CTCF: variants seen among roughly 807,000 people sequenced by gnomAD.
CTCF encodes transcriptional repressor CTCF.
Under a neutral mutation model 72.3 loss-of-function variants are expected in CTCF, and 7 were observed. That is an observed-to-expected ratio of 0.10 (90% CI 0.06 to 0.18). The LOEUF is 0.18. Ranked by LOEUF, CTCF falls within the 10% of genes least tolerant of loss-of-function variation. The probability of loss-of-function intolerance (pLI) is 1.00; values close to 1 mark genes in which losing one functional copy is unlikely to be tolerated. For missense variants in CTCF, 516 were observed against 949.1 expected, an observed-to-expected ratio of 0.54 and a Z score of 6.00; for synonymous variants, 374 against 315.8, an observed-to-expected ratio of 1.18 and a Z score of -1.95.
At chr16:67,581,130 G>A (rs908471375) in intron 2 of CTCF, among the ~76,000 whole-genome samples, 2 of 150,848 alleles carry the variant, frequency 1.3e-5, no homozygotes, top group African/African-American at 2.4e-5. Context: ...GGGTTTCACC[G>A]TGTTAGCCAG....
chr16:67,580,822 G>T (rs1475751509), intron 2 of CTCF, among the ~76,000 whole-genome samples: 2 of 148,168 alleles, frequency 1.3e-5, no homozygotes, highest in Non-Finnish European at 3.0e-5. Context: ...CACCATGTTG[G>T]CCAGGCTGGT....
intron 2 of CTCF, among the ~76,000 whole-genome samples, chr16:67,581,097 T>G (rs1452635628): frequency 6.6e-6 from 1 of 151,186 alleles, no homozygotes; most frequent in Non-Finnish European, 1.5e-5. Context: ...CCCAGCTAAT[T>G]TTTTGTGTTT....
chr16:67,628,325 G>A, intron 8 of CTCF, 45 bp from the exon 9 acceptor site: 4 of 1,579,358 alleles, frequency 2.5e-6, no homozygotes, highest in African/African-American at 1.3e-5. Context: ...TGGGGCAGTA[G>A]CCCCATGAGC....
intron 4 of CTCF, among the ~76,000 whole-genome samples, chr16:67,613,733 G>A (rs1597715662): frequency 6.6e-6 from 1 of 152,144 alleles, no homozygotes; most frequent in East Asian, 1.9e-4. Context: ...CCAAGATTGT[G>A]CCACCGTACT....
At chr16:67,573,258 A>C (rs1180324471) in intron 2 of CTCF, among the ~76,000 whole-genome samples, 1 of 150,486 alleles carries the variant, frequency 6.6e-6, no homozygotes. Flanking sequence ...AAAAAACAAC[A>C]AAAAAAACCC....
chr16:67,607,498 G>A (rs1301444705), intron 2 of CTCF, among the ~76,000 whole-genome samples: 1 of 151,568 alleles, frequency 6.6e-6, no homozygotes, highest in South Asian at 2.1e-4. Context: ...TAGAGATGGG[G>A]TTTTGCCATG....
chr16:67,563,433 C>T (rs2051304590), intron 1 of CTCF: 1 of 152,192 alleles, frequency 6.6e-6, no homozygotes, highest in African/African-American at 2.4e-5. Context: ...GACCCCAGAG[C>T]TGCCGAGAGC....
At chr16:67,590,815 G>T (rs560505808) in intron 2 of CTCF, among the ~76,000 whole-genome samples, 2 of 151,968 alleles carry the variant, frequency 1.3e-5, no homozygotes, top group Admixed American at 1.3e-4. Context: ...ATATTAGCCG[G>T]ACATGATGTT....
At chr16:67,615,232 C>T (rs2052116330) in intron 4 of CTCF, 1 of 152,330 alleles carries the variant, frequency 6.6e-6, no homozygotes, top group African/African-American at 2.4e-5. Context: ...GCAGTGTCCA[C>T]TTCTTTGCTA....
At chr16:67,598,669 A>G (rs1182032738) in intron 2 of CTCF, among the ~76,000 whole-genome samples, 5 of 152,356 alleles carry the variant, frequency 3.3e-5, no homozygotes, top group Admixed American at 1.3e-4. Context: ...TTTCTCCCAC[A>G]TATCTTTTAG....
intron 1 of CTCF, among the ~76,000 whole-genome samples, chr16:67,566,634 G>A (rs1377963552): frequency 1.3e-5 from 2 of 149,158 alleles, no homozygotes; most frequent in African/African-American, 4.9e-5. Flanking sequence ...TGGAGTGCAG[G>A]GGCACGATCT....
At chr16:67,590,977 A>G (rs958013484) in intron 2 of CTCF, among the ~76,000 whole-genome samples, 1 of 145,422 alleles carries the variant, frequency 6.9e-6, no homozygotes, top group African/African-American at 2.5e-5. Flanking sequence ...AAAAAAAAAA[A>G]AAAAAATGCT....
At chr16:67,577,683 G>C (rs1222441630) in intron 2 of CTCF, among the ~76,000 whole-genome samples, 1 of 151,784 alleles carries the variant, frequency 6.6e-6, no homozygotes, top group African/African-American at 2.4e-5. Context: ...TCCTGACCTT[G>C]TGATCCGTCC....
In CTCF at chr16:67,611,256, G is replaced by T. The variant is rs1175444753; in HGVS notation, c.424G>T (p.Val142Leu). Reference sequence around the variant, plus strand: ...ACTTCAGGGGGCTTATGAAAATGAAGTGTCTAAAGAGGGCCTTGCGGAAAG... The same window carrying T: ...ACTTCAGGGGGCTTATGAAAATGAATTGTCTAAAGAGGGCCTTGCGGAAAG... ...EELQGAYENEVSKEGLAESEP... is the reference protein window; with the variant it reads ...EELQGAYENELSKEGLAESEP... The change falls in exon 3 of 12, where the codon GTG becomes TTG. Residue 142 changes from valine (V) to leucine (L), a missense_variant. Transcript: ENST00000264010. 2.5e-6 allele frequency: 4 copies of T among 1,614,180 alleles called. No individual in the cohort carries two copies. Among genetic ancestry groups the T allele is most frequent in the Non-Finnish European group, 3.4e-6 (4 of 1,180,036 alleles).
At chr16:67,618,140 C>T (rs1460367468) in intron 5 of CTCF, among the ~76,000 whole-genome samples, 1 of 152,136 alleles carries the variant, frequency 6.6e-6, no homozygotes, top group Non-Finnish European at 1.5e-5. Context: ...CATGGTGGCT[C>T]ACGCCTGTAA....
At chr16:67,620,658 G>A in intron 5 of CTCF, 39 bp from the exon 6 acceptor site, 1 of 1,506,500 alleles carries the variant, frequency 6.6e-7, no homozygotes, top group Non-Finnish European at 9.0e-7. Context: ...TACAGTCTGT[G>A]TTAACAGAAG....
chr16:67,565,065 G>A (rs373618628), intron 1 of CTCF, among the ~76,000 whole-genome samples: 205 of 151,556 alleles, frequency 1.4e-3, no homozygotes, highest in Admixed American at 3.1e-3. Context: ...GCAGTGGTGC[G>A]ATCTCGGCTC....
intron 2 of CTCF, among the ~76,000 whole-genome samples, chr16:67,583,524 T>C (rs905462061): frequency 1.3e-5 from 2 of 151,940 alleles, no homozygotes; most frequent in Admixed American, 6.6e-5. Context: ...CTGTCTCTAC[T>C]GAAAATACAA....
At chr16:67,629,579 G>A in intron 10 of CTCF, 46 bp downstream of exon 10, 3 of 1,598,300 alleles carry the variant, frequency 1.9e-6, no homozygotes, top group Non-Finnish European at 2.6e-6. Flanking sequence ...AGGCTTTGGA[G>A]CCCAGTTTCC....
Sources: gnomAD v4.1 joint callset for allele counts (sites outside exome capture counted in the v4.1 genomes callset) on GRCh38, gnomAD v4.1.1 for gene constraint, MANE v1.5 for transcripts, NCBI Gene and HGNC (gene_info 2026-07-23, HGNC 2026-07-21) for gene names.